Variants in LRFN5 observed in about 807,000 individuals in gnomAD.
The protein encoded by LRFN5 is leucine rich repeat and fibronectin type III domain containing 5.
A neutral mutation model predicts 45.6 loss-of-function variants in LRFN5; 24 were observed. The observed-to-expected ratio is 0.53, with a 90% CI of 0.38 to 0.74. The LOEUF is 0.74. Ranked by LOEUF, LRFN5 falls within the 30% of genes least tolerant of loss-of-function variation. The probability of loss-of-function intolerance (pLI) is 0.00; values close to 1 mark genes in which losing one functional copy is unlikely to be tolerated. For missense variants in LRFN5, 776 were observed against 861.5 expected (o/e 0.90, Z 1.24); for synonymous variants, 340 against 313.8 (o/e 1.08, Z -0.88).
chr14:41,651,401 A>G (rs1313420548), intron 1 of LRFN5, among the ~76,000 whole-genome samples: 1 of 152,198 alleles, frequency 6.6e-6, no homozygotes, highest in African/African-American at 2.4e-5. Context: ...GAGAAAATGT[A>G]TGTGAGCAAA....
Position 41,898,922 on chromosome 14 carries a change from T to G in LRFN5, c.2104T>G (p.Leu702Val). ...ACTGAACATTTTATTCCCAGATGCT[T>G]TGCTGACTAATGTTGACCAGATTGT... ...SKRAHIKPNA[L>V]LTNVDQIVQE... Residue 702 changes from leucine (L) to valine (V), a missense_variant, in exon 5 of 6, where the codon TTG becomes GTG. Physicochemically the swap from Leu to Val is conservative, Grantham distance 32 (BLOSUM62 1). Around this residue, in one of 2 missense-constraint regions of LRFN5, gnomAD observed 465 missense variants for 456.4 expected, o/e 1.02. Coordinates refer to ENST00000298119, the MANE Select transcript of LRFN5 (RefSeq NM_152447.5). 1 of 1,610,414 alleles carries G rather than the reference T, an allele frequency of 6.2e-7. No homozygotes were observed. Among genetic ancestry groups the G allele is most frequent in the Non-Finnish European group, 8.5e-7 (1 of 1,178,540 alleles).
At position 41,775,093 on chromosome 14, in the gene LRFN5, C is replaced by CTTTTTTTTTTTTTTTTT. The variant is rs59438733; in HGVS notation, c.-21+8079_-21+8080insTTTTTTTTTTTTTTTTT. On this transcript the variant is annotated intron_variant, in intron 2 of 5. Transcript: ENST00000298119. ...AGATTTGATGCTACTTTTTCTTTTT[C>CTTTTTTTTTTTTTTTTT]TTTTTTTTTTTTTTTGAGACGGAGT... Among the ~76,000 whole-genome samples the CTTTTTTTTTTTTTTTTT allele has an allele frequency of 5.3e-4, 60 of 112,488 alleles. 4 individuals carry two copies. The highest frequency in any genetic ancestry group is 1.8e-3 in the African/African-American group (50 of 28,474). 73.8% of individuals were successfully genotyped at this position (112,488 alleles called of 152,430 possible). A position where few individuals can be genotyped will look rare whatever the true frequency, so the allele number is the denominator to read the frequency against.
chr14:41,835,494 A>G (rs1478704024), intron 2 of LRFN5, among the ~76,000 whole-genome samples: 4 of 152,230 alleles, frequency 2.6e-5, no homozygotes, highest in African/African-American at 9.6e-5. Context: ...CAGTAGGGTT[A>G]AATGTAGTCA....
intron 1 of LRFN5, among the ~76,000 whole-genome samples, chr14:41,662,915 C>T (rs972449516): frequency 1.3e-4 from 20 of 152,058 alleles, no homozygotes; most frequent in African/African-American, 4.6e-4. Context: ...ACATTGCCAA[C>T]CACCTTCTTT....
intron 1 of LRFN5, among the ~76,000 whole-genome samples, chr14:41,673,625 AC>A (rs1179048454): frequency 3.0e-5 from 3 of 100,114 alleles, no homozygotes; most frequent in Non-Finnish European, 3.9e-5. Flanking sequence ...CAGGGGACTG[AC>A]CCCCCCACCT....
At chr14:41,895,445 G>A (rs1268972666) in intron 4 of LRFN5, among the ~76,000 whole-genome samples, 1 of 152,028 alleles carries the variant, frequency 6.6e-6, no homozygotes, top group African/African-American at 2.4e-5. Flanking sequence ...CCAACGTGGT[G>A]AAACCCTGTC....
intron 2 of LRFN5, among the ~76,000 whole-genome samples, chr14:41,778,278 A>G (rs1339955038): frequency 2.6e-5 from 4 of 151,696 alleles, no homozygotes; most frequent in East Asian, 1.9e-4. Context: ...TTGAAACAAC[A>G]TGACTCTTCT....
intron 1 of LRFN5, among the ~76,000 whole-genome samples, chr14:41,669,900 T>C (rs1382368211): frequency 6.6e-6 from 1 of 151,640 alleles, no homozygotes; most frequent in Non-Finnish European, 1.5e-5. Context: ...AATTCACTAT[T>C]TGGAAATGTG....
intron 4 of LRFN5, chr14:41,894,891 T>C (rs1890890257): frequency 1.0e-6 from 1 of 983,816 alleles, no homozygotes; most frequent in Non-Finnish European, 1.2e-6. Flanking sequence ...TTATTCCTCA[T>C]TTAAACAGTC....
chr14:41,702,729 C>T (rs1434573869), intron 1 of LRFN5, among the ~76,000 whole-genome samples: 1 of 151,692 alleles, frequency 6.6e-6, no homozygotes, highest in Non-Finnish European at 1.5e-5. Context: ...CCTCTCAAAG[C>T]TCTGGGACTA....
intron 1 of LRFN5, among the ~76,000 whole-genome samples, chr14:41,746,032 A>G (rs1884906262): frequency 6.6e-6 from 1 of 152,040 alleles, no homozygotes; most frequent in South Asian, 2.1e-4. Flanking sequence ...TAGCAAAGTC[A>G]AAGGAAGATA....
chr14:41,708,802 G>C (rs1036458420), intron 1 of LRFN5, among the ~76,000 whole-genome samples: 2 of 151,590 alleles, frequency 1.3e-5, no homozygotes, highest in African/African-American at 2.4e-5. Context: ...ATAAGATTTA[G>C]ATTCACATTT....
chr14:41,689,319 G>A (rs1045047371), intron 1 of LRFN5, among the ~76,000 whole-genome samples: 1 of 151,994 alleles, frequency 6.6e-6, no homozygotes, highest in Non-Finnish European at 1.5e-5. Flanking sequence ...CCAAAATTTG[G>A]TTCTTCGAAA....
At chr14:41,698,281 C>T (rs562052840) in intron 1 of LRFN5, among the ~76,000 whole-genome samples, 21 of 152,040 alleles carry the variant, frequency 1.4e-4, no homozygotes, top group Middle Eastern at 3.4e-3. Flanking sequence ...TATTGAAGTG[C>T]GGTCCTAGAA....
intron 2 of LRFN5, among the ~76,000 whole-genome samples, chr14:41,821,143 A>G (rs1205043149): frequency 6.6e-6 from 1 of 151,940 alleles, no homozygotes; most frequent in South Asian, 2.1e-4. Context: ...TTTCCAGTAC[A>G]ATGTATAATA....
chr14:41,645,859 T>C (rs1879791793), intron 1 of LRFN5, among the ~76,000 whole-genome samples: 1 of 152,224 alleles, frequency 6.6e-6, no homozygotes, highest in African/African-American at 2.4e-5. Flanking sequence ...CTTATTATTT[T>C]GGGGCTACAT....
intron 1 of LRFN5, among the ~76,000 whole-genome samples, chr14:41,675,230 A>C (rs1421755853): frequency 6.6e-6 from 1 of 152,206 alleles, no homozygotes; most frequent in African/African-American, 2.4e-5. Context: ...CAATCTCGGC[A>C]CTTTGGGAGG....
chr14:41,700,590 GAA>G (rs771695041), intron 1 of LRFN5: 3 of 146,310 alleles, frequency 2.1e-5, no homozygotes, highest in Non-Finnish European at 4.7e-5. Context: ...AAAGAAAAGA[GAA>G]GAGAAGAAAA....
chr14:41,630,183 T>C (rs1888485243), intron 1 of LRFN5, among the ~76,000 whole-genome samples: 1 of 152,054 alleles, frequency 6.6e-6, no homozygotes, highest in Admixed American at 6.6e-5. Flanking sequence ...CACTATAGGA[T>C]GATATCTGAA....
Sources: gnomAD v4.1 joint callset for allele counts (sites outside exome capture counted in the v4.1 genomes callset) on GRCh38, gnomAD v4.1.1 for gene constraint, gnomAD v4.1.1 regional missense constraint, MANE v1.5 for transcripts, NCBI Gene and HGNC (gene_info 2026-07-23, HGNC 2026-07-21) for gene names.